PACS1: variants seen among roughly 807,000 people sequenced by gnomAD.
The protein encoded by PACS1 is PACS-1.
In PACS1, 24 loss-of-function variants were observed where a neutral mutation model predicts 115.0. The observed-to-expected ratio is 0.21, with a 90% CI of 0.15 to 0.29. PACS1 has a LOEUF of 0.29. PACS1 is among the 10% of genes least tolerant of loss of function. The pLI is 1.00. For synonymous variants in PACS1, 453 were observed against 504.5 expected, an observed-to-expected ratio of 0.90 and a Z score of 1.37; for missense variants, 838 against 1,251.2, an observed-to-expected ratio of 0.67 and a Z score of 4.98.
intron 1 of PACS1, among the ~76,000 whole-genome samples, chr11:66,164,287 G>A (rs189775805): frequency 2.4e-4 from 37 of 152,098 alleles, no homozygotes; most frequent in Admixed American, 4.6e-4. Context: ...CGTTACAGAG[G>A]AGATACAGAT....
chr11:66,207,020 C>T (rs1207381637), intron 2 of PACS1, among the ~76,000 whole-genome samples: 2 of 152,226 alleles, frequency 1.3e-5, no homozygotes, highest in African/African-American at 4.8e-5. Context: ...TTGTTATCAA[C>T]TTATGGCCAG....
chr11:66,187,336 C>T (rs1854406703), intron 1 of PACS1, among the ~76,000 whole-genome samples: 1 of 152,114 alleles, frequency 6.6e-6, no homozygotes. Flanking sequence ...ATTGACTCTC[C>T]TCCTCCTAGC....
chr11:66,116,318 A>G (rs1174831598), intron 1 of PACS1, among the ~76,000 whole-genome samples: 1 of 152,178 alleles, frequency 6.6e-6, no homozygotes. Flanking sequence ...CAGTCGTTAG[A>G]TATTAGGTCT....
intron 1 of PACS1, among the ~76,000 whole-genome samples, chr11:66,114,274 C>T (rs1242632476): frequency 2.0e-5 from 3 of 151,870 alleles, no homozygotes; most frequent in Admixed American, 6.6e-5. Flanking sequence ...AAAAATTAGC[C>T]GGGAGTAGTG....
chr11:66,219,730 C>G lies in PACS1; in HGVS notation c.979-16C>G. 6.2e-7 allele frequency: 1 copy of G among 1,609,840 alleles called. No individual in the cohort carries two copies. The highest frequency in any genetic ancestry group is 8.5e-7 in the Non-Finnish European group (1 of 1,176,268). ...GTGGACGTTGCTGAGAACTGTCATG[C>G]GATTTGTCCCTACAGCAACCTAACA... On this transcript the variant is annotated splice_polypyrimidine_tract_variant and intron_variant, in intron 7 of 23. Transcript: ENST00000320580.
At chr11:66,144,450 T>TGAA (rs1859072703) in intron 1 of PACS1, among the ~76,000 whole-genome samples, 1 of 152,196 alleles carries the variant, frequency 6.6e-6, no homozygotes, top group Non-Finnish European at 1.5e-5. Flanking sequence ...TTCTTTCATG[T>TGAA]GTGAGAATGA....
At chr11:66,152,729 C>T (rs1003904335) in intron 1 of PACS1, among the ~76,000 whole-genome samples, 1 of 152,114 alleles carries the variant, frequency 6.6e-6, no homozygotes, top group African/African-American at 2.4e-5. Flanking sequence ...TCTGAACTTG[C>T]ATGGGGAGGG....
At chr11:66,153,507 C>T (rs7926402) in intron 1 of PACS1, among the ~76,000 whole-genome samples, 31,129 of 152,018 alleles carry the variant, frequency 0.2, 3,268 homozygotes, top group Middle Eastern at 0.28. Flanking sequence ...CCTGGCCAGG[C>T]GCGGTGGCTC....
At chr11:66,073,790 G>A (rs1857351609) in intron 1 of PACS1, among the ~76,000 whole-genome samples, 1 of 151,710 alleles carries the variant, frequency 6.6e-6, no homozygotes, top group African/African-American at 2.4e-5. Context: ...GTCTTGCTCT[G>A]TCATCCAGGC....
At chr11:66,093,773 C>G (rs1431168281) in intron 1 of PACS1, among the ~76,000 whole-genome samples, 2 of 151,618 alleles carry the variant, frequency 1.3e-5, no homozygotes, top group African/African-American at 4.8e-5. Flanking sequence ...ACACCTATTC[C>G]AAAATTGACC....
chr11:66,242,533 C>T (rs566054765), intron 22 of PACS1, among the ~76,000 whole-genome samples: 9 of 152,330 alleles, frequency 5.9e-5, no homozygotes, highest in South Asian at 4.1e-4. Context: ...CCCAGGACAG[C>T]GTGAGGACAA....
intron 1 of PACS1, among the ~76,000 whole-genome samples, chr11:66,187,347 T>G (rs1854406912): frequency 6.6e-6 from 1 of 152,166 alleles, no homozygotes; most frequent in Non-Finnish European, 1.5e-5. Context: ...TCCTCCTAGC[T>G]ATCTGTAATT....
Position 66,236,042 on chromosome 11 carries a change from C to G in PACS1, c.2250+102C>G. 8.9e-7 allele frequency: 1 copy of G among 1,126,628 alleles called. No homozygotes were observed. The highest frequency in any genetic ancestry group is 2.0e-4 in the Middle Eastern group (1 of 5,100). 69.8% of individuals were successfully genotyped at this position (1,126,628 alleles called of 1,614,324 possible). On this transcript the variant is annotated intron_variant, in intron 19 of 23. Transcript: ENST00000320580. This position sits in a 1 kb window ranked among gnomAD's most constrained non-coding sequence, Gnocchi z 4.2. ...AAGATTCATCTAGAACAGTGGTTCT[C>G]CAGACACTGGAGATTTTGCCTCCAG...
chr11:66,163,530 T>C (rs970877117), intron 1 of PACS1, among the ~76,000 whole-genome samples: 3 of 152,170 alleles, frequency 2.0e-5, no homozygotes, highest in African/African-American at 7.2e-5. Context: ...AAATTTATAC[T>C]TCCTGTATTG....
intron 1 of PACS1, among the ~76,000 whole-genome samples, chr11:66,087,126 ACC>A (rs1554974645): frequency 6.6e-6 from 1 of 150,612 alleles, no homozygotes; most frequent in Non-Finnish European, 1.5e-5. Context: ...TTCTAATACC[ACC>A]CCTCCCACTC....
intron 2 of PACS1, among the ~76,000 whole-genome samples, chr11:66,208,107 C>G (rs1854984946): frequency 1.3e-5 from 2 of 152,128 alleles, no homozygotes; most frequent in South Asian, 4.1e-4. Context: ...TGGCCATTAC[C>G]CATAGGCAGC....
At chr11:66,177,742 C>T (rs1446069040) in intron 1 of PACS1, among the ~76,000 whole-genome samples, 1 of 152,094 alleles carries the variant, frequency 6.6e-6, no homozygotes, top group African/African-American at 2.4e-5. Context: ...CTGCAAGTAG[C>T]TGGGCCCACA....
chr11:66,120,170 C>CA (rs1264179772), intron 1 of PACS1, among the ~76,000 whole-genome samples: 3 of 116,852 alleles, frequency 2.6e-5, no homozygotes, highest in South Asian at 2.7e-4. Flanking sequence ...TTTTTTGAGA[C>CA]AGAGTCTCGC....
At chr11:66,111,886 T>G (rs1195350284) in intron 1 of PACS1, among the ~76,000 whole-genome samples, 1 of 152,196 alleles carries the variant, frequency 6.6e-6, no homozygotes, top group South Asian at 2.1e-4. Context: ...CCTCAAGTGA[T>G]CCGCCTGCCT....
Sources: gnomAD v4.1 joint callset for allele counts (sites outside exome capture counted in the v4.1 genomes callset) on GRCh38, gnomAD v4.1.1 for gene constraint, Gnocchi (gnomAD v3.1) non-coding constraint, MANE v1.5 for transcripts, NCBI Gene and HGNC (gene_info 2026-07-23, HGNC 2026-07-21) for gene names.